MYO9A: variants seen among roughly 807,000 people sequenced by gnomAD.
The protein encoded by MYO9A is unconventional myosin-IXa.
MYO9A carries 103 observed loss-of-function variants against 293.3 expected under a neutral mutation model. The ratio of observed to expected loss-of-function variants is 0.35; its 90% CI spans 0.30 to 0.41. The LOEUF (loss-of-function observed/expected upper bound fraction) is 0.41. MYO9A is among the 10% of genes least tolerant of loss of function. The probability of loss-of-function intolerance (pLI) is 1.00; values close to 1 mark genes in which losing one functional copy is unlikely to be tolerated. For missense variants in MYO9A, 2,685 were observed against 3,033.0 expected (o/e 0.89, Z 2.69); for synonymous variants, 1,001 against 1,035.7 (o/e 0.97, Z 0.64).
At position 71,823,627 on chromosome 15, in the gene MYO9A, TACAGAATGAAATC is replaced by T. The variant is rs1416523263; in HGVS notation, c.*2940_*2952del. The T allele has an allele frequency of 6.6e-6, 1 of 152,250 alleles. No individual in the cohort carries two copies. Among genetic ancestry groups the T allele is most frequent in the Non-Finnish European group, 1.5e-5 (1 of 68,052 alleles). The allele number at this position is 152,250 out of a possible 1,614,324, so 9.4% of individuals were successfully genotyped here. ...GCTGTTGATTTGCTTCAATTTGTGA[TACAGAATGAAATC>T]ACACTTCTCTGCTTTTGTTACATTT... is the stretch of plus-strand genomic sequence containing the variant. On this transcript the variant is annotated 3_prime_UTR_variant, in exon 42 of 42. Coordinates refer to ENST00000356056, the MANE Select transcript of MYO9A (RefSeq NM_006901.4).
At chr15:71,925,024 ACT>A (rs2058255276) in intron 18 of MYO9A, among the ~76,000 whole-genome samples, 1 of 152,032 alleles carries the variant, frequency 6.6e-6, no homozygotes, top group South Asian at 2.1e-4. Context: ...GTGCAGTTTA[ACT>A]CTATCGTTCT....
chr15:72,039,471 C>A (rs1230708240), intron 2 of MYO9A, among the ~76,000 whole-genome samples: 4 of 150,770 alleles, frequency 2.7e-5, no homozygotes, highest in Non-Finnish European at 4.4e-5. Flanking sequence ...ATTAGGTTTC[C>A]AAAAAAAACC....
chr15:71,889,471 T>TTA (rs2057116157), intron 26 of MYO9A: 2 of 121,822 alleles, frequency 1.6e-5, no homozygotes, highest in Admixed American at 8.3e-5. Context: ...TTTTTTTTTT[T>TTA]AAGAGACATG....
intron 1 of MYO9A, among the ~76,000 whole-genome samples, chr15:72,057,296 C>T (rs566046065): frequency 6.6e-6 from 1 of 152,192 alleles, no homozygotes; most frequent in South Asian, 2.1e-4. Context: ...ATAAAAAAAA[C>T]TTACTCATGC....
intron 12 of MYO9A, among the ~76,000 whole-genome samples, chr15:71,974,903 A>G (rs1403228419): frequency 6.6e-6 from 1 of 152,228 alleles, no homozygotes; most frequent in Non-Finnish European, 1.5e-5. Flanking sequence ...AAAGTTTGGG[A>G]ACTACTGGAG....
At position 71,898,731 on chromosome 15, in the gene MYO9A, A is replaced by T; in HGVS notation, c.3772T>A (p.Ser1258Thr). 7 of 1,613,916 alleles carry T rather than the reference A, an allele frequency of 4.3e-6. No homozygotes were observed. Among genetic ancestry groups the T allele is most frequent in the Non-Finnish European group, 5.1e-6 (6 of 1,179,964 alleles). Residue 1258 changes from serine to threonine, a missense_variant, in exon 25 of 42, where the codon TCC (serine) becomes ACC (threonine). By Grantham distance (58) the Ser-to-Thr change is moderately conservative. Transcript: ENST00000356056. ...EDVLVRERPR[S>T]LEDLHQKKVG... ...TTTTTCTGATGGAGATCCTCCAAGG[A>T]TCTGGGTCTCTCTCTTACAAGCACA...
chr15:71,851,649 A>G (rs981126898), intron 36 of MYO9A, among the ~76,000 whole-genome samples: 1 of 152,198 alleles, frequency 6.6e-6, no homozygotes, highest in Non-Finnish European at 1.5e-5. Context: ...ATTTACCATT[A>G]AAGTCAACAT....
chr15:71,879,337 A>G (rs1328924824), intron 30 of MYO9A, among the ~76,000 whole-genome samples: 1 of 152,236 alleles, frequency 6.6e-6, no homozygotes, highest in Non-Finnish European at 1.5e-5. Context: ...TTCCATTAAA[A>G]GAAAACATAT....
At chr15:71,835,171 A>C (rs1437617649) in intron 39 of MYO9A, among the ~76,000 whole-genome samples, 2 of 152,222 alleles carry the variant, frequency 1.3e-5, no homozygotes, top group Non-Finnish European at 2.9e-5. Flanking sequence ...AAGTACCTAC[A>C]AAAATTCTAT....
At chr15:72,047,136 T>C (rs2078409721) in intron 1 of MYO9A, among the ~76,000 whole-genome samples, 1 of 152,140 alleles carries the variant, frequency 6.6e-6, no homozygotes, top group African/African-American at 2.4e-5. Context: ...AGAAATTACA[T>C]AAAACCAAGA....
chr15:72,034,655 G>C (rs2077987080), intron 2 of MYO9A, among the ~76,000 whole-genome samples: 1 of 152,046 alleles, frequency 6.6e-6, no homozygotes, highest in Admixed American at 6.6e-5. Flanking sequence ...AAACCACATA[G>C]CACAGATTAA....
chr15:71,875,436 T>C, intron 32 of MYO9A, among the ~76,000 whole-genome samples: 1 of 152,176 alleles, frequency 6.6e-6, no homozygotes, highest in Non-Finnish European at 1.5e-5. Flanking sequence ...TTCAGAAATG[T>C]CTTTTGAATT....
At position 72,118,087 on chromosome 15, in the gene MYO9A, C is replaced by A. The variant is rs867258922; in HGVS notation, c.-479G>T. The A allele has an allele frequency of 2.0e-5, 8 of 392,990 alleles. No homozygotes were observed. The highest frequency in any genetic ancestry group is 4.1e-5 in the African/African-American group (2 of 48,286). The allele number at this position is 392,990 out of a possible 1,614,324, so 24.3% of individuals were successfully genotyped here. On this transcript the variant is annotated 5_prime_UTR_variant, in exon 1 of 42. Coordinates refer to ENST00000356056, the MANE Select transcript of MYO9A (RefSeq NM_006901.4). ...CTTATCCGCTTCGGTCGCGCGCCCC[C>A]GACCCCGCGCACGCGGCCCCGCCCC... is the stretch of plus-strand genomic sequence containing the variant.
intron 9 of MYO9A, chr15:71,999,049 TAAG>T (rs960486460): frequency 5.9e-5 from 9 of 152,282 alleles, no homozygotes; most frequent in African/African-American, 1.9e-4. Context: ...TAATATGACA[TAAG>T]AAGAAATGTG....
At chr15:72,092,910 TACACACACACAC>T (rs59999448) in intron 1 of MYO9A, among the ~76,000 whole-genome samples, 10 of 141,910 alleles carry the variant, frequency 7.0e-5, no homozygotes, top group East Asian at 2.1e-4. Flanking sequence ...CCACCTTACT[TACACACACACAC>T]ACACACACAC....
chr15:72,059,707 C>T (rs564378959), intron 1 of MYO9A, among the ~76,000 whole-genome samples: 2 of 152,112 alleles, frequency 1.3e-5, no homozygotes, highest in Admixed American at 1.3e-4. Flanking sequence ...CATGAAAAGC[C>T]TCTCACTTGA....
intron 1 of MYO9A, among the ~76,000 whole-genome samples, chr15:72,102,553 G>A (rs905431739): frequency 6.7e-6 from 1 of 149,446 alleles, no homozygotes; most frequent in African/African-American, 2.5e-5. Context: ...GTGTAATGGT[G>A]AGCACTCTGG....
intron 39 of MYO9A, among the ~76,000 whole-genome samples, chr15:71,840,690 C>T (rs1445134153): frequency 2.0e-5 from 3 of 151,954 alleles, no homozygotes; most frequent in Non-Finnish European, 4.4e-5. Flanking sequence ...AGTGCAGTGG[C>T]GCGATCTAGG....
chr15:72,081,863 T>C (rs1483142505), intron 1 of MYO9A, among the ~76,000 whole-genome samples: 2 of 152,076 alleles, frequency 1.3e-5, no homozygotes, highest in African/African-American at 4.8e-5. Flanking sequence ...GTGTGCCTTA[T>C]TTCTGAGCTC....
Sources: allele counts gnomAD v4.1 joint callset (sites outside exome capture counted in the v4.1 genomes callset), GRCh38; gene constraint gnomAD v4.1.1; transcripts MANE v1.5; gene names NCBI Gene and HGNC (gene_info 2026-07-23, HGNC 2026-07-21).